Variants in GPC5 observed in about 807,000 individuals in gnomAD.
The protein encoded by GPC5 is glypican 5.
GPC5 carries 47 observed loss-of-function variants against 53.9 expected under a neutral mutation model. The ratio of observed to expected loss-of-function variants is 0.87; its 90% CI spans 0.69 to 1.11. The LOEUF is 1.11. Ranked by LOEUF, GPC5 falls within the 50% of genes most tolerant of loss-of-function variation. The pLI, the probability that GPC5 is intolerant of heterozygous loss-of-function variation, is 0.00. For synonymous variants in GPC5, 286 were observed against 263.3 expected, an observed-to-expected ratio of 1.09 and a Z score of -0.84; for missense variants, 748 against 713.1, an observed-to-expected ratio of 1.05 and a Z score of -0.56.
chr13:92,629,614 C>A (rs1440897914), intron 7 of GPC5, among the ~76,000 whole-genome samples: 2 of 152,054 alleles, frequency 1.3e-5, no homozygotes, highest in Non-Finnish European at 2.9e-5. Flanking sequence ...AAAGATAATG[C>A]AAATAATAAA....
chr13:91,581,851 A>G (rs941720721), intron 2 of GPC5, among the ~76,000 whole-genome samples: 4 of 152,122 alleles, frequency 2.6e-5, no homozygotes, highest in African/African-American at 9.7e-5. Context: ...GACTATATAT[A>G]TAAATTAGAC....
chr13:91,502,503 C>A (rs1246529379), intron 2 of GPC5, among the ~76,000 whole-genome samples: 1 of 152,146 alleles, frequency 6.6e-6, no homozygotes, highest in African/African-American at 2.4e-5. Context: ...CTACCTCTTT[C>A]TTCTGCTTCC....
chr13:91,801,927 T>C lies in GPC5; in HGVS notation c.1280+45507T>C, dbSNP rs76970839. 9.7e-3 allele frequency among the ~76,000 whole-genome samples: 1,478 copies of C among 152,268 alleles called. 20 individuals carry two copies. The highest frequency in any genetic ancestry group is 0.034 in the African/African-American group (1,416 of 41,554). ...CACTTCATCATACCACATTCCTAAA[T>C]AAGAAGATTATCTTCTTTGTTGCGT... On this transcript the variant is annotated intron_variant, in intron 5 of 7. Transcript: ENST00000377067.
intron 2 of GPC5, among the ~76,000 whole-genome samples, chr13:91,678,903 C>A (rs1210706562): frequency 1.3e-5 from 2 of 152,032 alleles, no homozygotes; most frequent in Non-Finnish European, 2.9e-5. Flanking sequence ...CTTGGATATT[C>A]TTTTAGCCAT....
chr13:92,343,813 A>G (rs2043387060), intron 7 of GPC5, among the ~76,000 whole-genome samples: 1 of 152,110 alleles, frequency 6.6e-6, no homozygotes, highest in Admixed American at 6.6e-5. Context: ...GTTAAAACCT[A>G]TTATTTATAA....
intron 7 of GPC5, among the ~76,000 whole-genome samples, chr13:92,543,735 T>A (rs913946449): frequency 5.3e-4 from 80 of 152,248 alleles, no homozygotes; most frequent in African/African-American, 1.9e-3. Flanking sequence ...TCTATTTTTT[T>A]AATGCAAGGA....
At chr13:92,360,937 A>T (rs2043561072) in intron 7 of GPC5, among the ~76,000 whole-genome samples, 1 of 151,778 alleles carries the variant, frequency 6.6e-6, no homozygotes, top group Non-Finnish European at 1.5e-5. Context: ...GGGGCAACCT[A>T]GTCACGTAAG....
chr13:91,971,831 C>T (rs907673558), intron 6 of GPC5, among the ~76,000 whole-genome samples: 3 of 152,108 alleles, frequency 2.0e-5, no homozygotes, highest in Admixed American at 1.3e-4. Flanking sequence ...GTCTGAGAGA[C>T]AGTTTGTTAT....
At chr13:91,841,008 T>C (rs1220745417) in intron 5 of GPC5, among the ~76,000 whole-genome samples, 1 of 152,052 alleles carries the variant, frequency 6.6e-6, no homozygotes, top group African/African-American at 2.4e-5. Flanking sequence ...TTGAATTGAT[T>C]GTTAGCTACT....
intron 7 of GPC5, among the ~76,000 whole-genome samples, chr13:92,551,872 T>C (rs1056969680): frequency 6.6e-6 from 1 of 151,896 alleles, no homozygotes; most frequent in Admixed American, 6.6e-5. Context: ...AGCAAGTCTC[T>C]TGAGACTTTC....
intron 5 of GPC5, among the ~76,000 whole-genome samples, chr13:91,808,077 T>C (rs2038249955): frequency 6.6e-6 from 1 of 152,138 alleles, no homozygotes; most frequent in African/African-American, 2.4e-5. Flanking sequence ...CTATTACTTC[T>C]AGACTGTTTA....
At chr13:92,841,759 T>C (rs1276278809) in intron 7 of GPC5, among the ~76,000 whole-genome samples, 1 of 152,144 alleles carries the variant, frequency 6.6e-6, no homozygotes, top group African/African-American at 2.4e-5. Context: ...TCTTGAGTTT[T>C]ATATAATCTG....
chr13:92,424,909 G>A (rs1876762797), intron 7 of GPC5, among the ~76,000 whole-genome samples: 1 of 151,980 alleles, frequency 6.6e-6, no homozygotes, highest in South Asian at 2.1e-4. Flanking sequence ...ATTCAAAGAT[G>A]AATAAGATAT....
rs1458638805 is a variant in GPC5 at position 91,398,920 on chromosome 13, T to C, written c.-127T>C. 1.6e-6 allele frequency: 2 copies of C among 1,280,246 alleles called. No homozygotes were observed. Among genetic ancestry groups the C allele is most frequent in the Admixed American group, 5.7e-5 (2 of 35,326 alleles). The allele number at this position is 1,280,246 out of a possible 1,614,324, so 79.3% of individuals were successfully genotyped here. ...GAAGCCGGTGCCCGCGGGCGGTCCG[T>C]ACACCCCGCAGCCGGCTCGCACCGC... On this transcript the variant is annotated 5_prime_UTR_variant, in exon 1 of 8. Transcript: ENST00000377067.
intron 7 of GPC5, chr13:92,448,041 T>G (rs1467080496): frequency 1.3e-5 from 2 of 152,100 alleles, no homozygotes; most frequent in East Asian, 1.9e-4. Context: ...GAACAGCAAT[T>G]AAAAGGTGGT....
At chr13:92,290,425 G>T (rs9584012) in intron 7 of GPC5, among the ~76,000 whole-genome samples, 2 of 151,934 alleles carry the variant, frequency 1.3e-5, no homozygotes, top group African/African-American at 4.8e-5. Flanking sequence ...AGATTTTGGC[G>T]CACCCGTCAC....
intron 7 of GPC5, among the ~76,000 whole-genome samples, chr13:92,858,909 G>T (rs1441311208): frequency 6.6e-6 from 1 of 152,080 alleles, no homozygotes; most frequent in Admixed American, 6.6e-5. Flanking sequence ...ACTCTGTATA[G>T]AATTCTATAT....
intron 2 of GPC5, among the ~76,000 whole-genome samples, chr13:91,496,121 T>G (rs1488157762): frequency 1.4e-5 from 2 of 147,742 alleles, no homozygotes; most frequent in Non-Finnish European, 3.0e-5. Context: ...ATATTAGTAT[T>G]AAGTACGAAT....
intron 2 of GPC5, among the ~76,000 whole-genome samples, chr13:91,598,692 G>T (rs953475692): frequency 6.6e-5 from 10 of 151,942 alleles, no homozygotes; most frequent in South Asian, 6.2e-4. Context: ...TTTTCTAAAT[G>T]TCATATGACC....
Sources: allele counts gnomAD v4.1 joint callset (sites outside exome capture counted in the v4.1 genomes callset), GRCh38; gene constraint gnomAD v4.1.1; transcripts MANE v1.5; gene names NCBI Gene and HGNC (gene_info 2026-07-23, HGNC 2026-07-21).